Variants in NOX3 observed in about 807,000 individuals in gnomAD.
NOX3 encodes the protein NADPH oxidase 3, also known as NADPH oxidase catalytic subunit-like 3.
NOX3 carries 74 observed loss-of-function variants against 76.7 expected under a neutral mutation model. The ratio of observed to expected loss-of-function variants is 0.96; its 90% confidence interval spans 0.80 to 1.17. NOX3 has a LOEUF of 1.17. Among genes scored for constraint, NOX3 ranks in the 50% most tolerant of loss-of-function variants. The pLI, the probability that NOX3 is intolerant of heterozygous loss-of-function variation, is 0.00. For missense variants in NOX3, 695 were observed against 703.3 expected (o/e 0.99, Z 0.13); for synonymous variants, 263 against 261.1 (o/e 1.01, Z -0.07).
At chr6:155,441,913 A>T in intron 5 of NOX3, among the ~76,000 whole-genome samples, 1 of 152,296 alleles carries the variant, frequency 6.6e-6, no homozygotes, top group South Asian at 2.1e-4. Context: ...TCATAAGGGC[A>T]GCTGTAGTTC....
chr6:155,421,941 G>T (rs1776694628), intron 10 of NOX3, among the ~76,000 whole-genome samples: 1 of 152,190 alleles, frequency 6.6e-6, no homozygotes, highest in Non-Finnish European at 1.5e-5. Flanking sequence ...ATTGAGACCT[G>T]GTGGTTAAGT....
chr6:155,436,396 A>C, intron 7 of NOX3, 22 bp downstream of exon 7: 9 of 1,613,580 alleles, frequency 5.6e-6, no homozygotes, highest in Non-Finnish European at 6.8e-6. Context: ...TTATTTTTAA[A>C]AGCTCCTGGG....
rs1223862889 is a variant in NOX3, at chr6:155,404,694, C to A, written c.1580+2436G>T. Reference sequence around the variant, plus strand: ...TGGCTGAATGTGGGTCAGGAGTAATCCCCACAAGCATGCCTTCAAACCATC... The same window carrying A: ...TGGCTGAATGTGGGTCAGGAGTAATACCCACAAGCATGCCTTCAAACCATC... On this transcript the variant is annotated intron_variant, in intron 12 of 13. Coordinates refer to ENST00000159060, the MANE Select transcript of NOX3 (RefSeq NM_015718.3). 3.9e-5 allele frequency among the ~76,000 whole-genome samples: 6 copies of A among 152,140 alleles called. No homozygotes were observed. The East Asian group carries it at 9.6e-4, about 24-fold the overall frequency.
intron 4 of NOX3, among the ~76,000 whole-genome samples, chr6:155,448,661 AT>A (rs1301626591): frequency 1.5e-4 from 23 of 149,158 alleles, no homozygotes; most frequent in African/African-American, 4.5e-4. Flanking sequence ...AAAAAAAAAA[AT>A]CATAAAGGCT....
intron 6 of NOX3, among the ~76,000 whole-genome samples, chr6:155,439,649 G>T (rs1280323436): frequency 1.3e-5 from 2 of 152,148 alleles, no homozygotes; most frequent in Non-Finnish European, 2.9e-5. Context: ...AAATTGGATG[G>T]CAGAACAGGT....
At position 155,440,585 on chromosome 6, in the gene NOX3, G is replaced by A. The variant is rs112915350; in HGVS notation, c.487-448C>T. Among the ~76,000 whole-genome samples, 209 of 151,580 alleles carry A rather than the reference G, an allele frequency of 1.4e-3. 1 individual carries two copies. Among genetic ancestry groups the A allele is most frequent in the African/African-American group, 4.7e-3 (194 of 41,350 alleles). ...GATCCCAGGAGTGTGAGGCTGCAAT[G>A]AGCCGTGATGCTGCCTCTGCATTCC... On this transcript the variant is annotated intron_variant, in intron 5 of 13. Transcript: ENST00000159060.
chr6:155,435,683 C>T (rs1004642538), intron 7 of NOX3, among the ~76,000 whole-genome samples: 1 of 152,058 alleles, frequency 6.6e-6, no homozygotes, highest in Non-Finnish European at 1.5e-5. Flanking sequence ...CTGCCAGATG[C>T]ATTTATTTTC....
At chr6:155,402,985 C>T (rs1000692639) in intron 12 of NOX3, among the ~76,000 whole-genome samples, 12 of 152,204 alleles carry the variant, frequency 7.9e-5, no homozygotes, top group African/African-American at 2.7e-4. Flanking sequence ...TGGGAACAAA[C>T]ATATCCTTGA....
chr6:155,455,319 TAA>T (rs1777200386), intron 1 of NOX3, among the ~76,000 whole-genome samples, 190 bp from the exon 2 acceptor site: 1 of 152,232 alleles, frequency 6.6e-6, no homozygotes, highest in African/African-American at 2.4e-5. Context: ...TTACCTTTAT[TAA>T]AAAGATTTTA....
chr6:155,435,377 A>T (rs1776887902), intron 7 of NOX3, among the ~76,000 whole-genome samples: 1 of 152,114 alleles, frequency 6.6e-6, no homozygotes, highest in Non-Finnish European at 1.5e-5. Context: ...GGCTACTGAG[A>T]GTTGAGTTTA....
Position 155,436,540 on chromosome 6 carries a change from C to G in NOX3, c.676G>C (p.Val226Leu), listed in dbSNP as rs750652267. 1.2e-6 allele frequency: 2 copies of G among 1,611,746 alleles called. No individual in the cohort carries two copies. The change falls in exon 7 of 14, where the codon GTT becomes CTT. Residue 226 changes from valine to leucine, a missense_variant. Physicochemically the swap from Val to Leu is conservative, Grantham distance 32. Coordinates refer to ENST00000159060, the MANE Select transcript of NOX3 (RefSeq NM_015718.3). ...AGACTGTCTTGGGTTTGGCCTCGAA[C>G]AATCCGACTTGTTATTTAAGAAAAG... is the stretch of plus-strand genomic sequence containing the variant. ...SLAIHGTGRI[V>L]RGQTQDSLSL...
chr6:155,443,591 A>G (rs1055303883), intron 4 of NOX3, among the ~76,000 whole-genome samples, 173 bp from the exon 5 acceptor site: 17 of 152,318 alleles, frequency 1.1e-4, no homozygotes, highest in Admixed American at 9.8e-4. Context: ...TGGATTGAAT[A>G]CTTCCAAAGA....
intron 4 of NOX3, among the ~76,000 whole-genome samples, chr6:155,449,252 CGG>C (rs1357379516): frequency 6.6e-6 from 1 of 152,104 alleles, no homozygotes; most frequent in Non-Finnish European, 1.5e-5. Flanking sequence ...GAGCTGCACT[CGG>C]CTAATTGTTC....
intron 1 of NOX3, among the ~76,000 whole-genome samples, 173 bp downstream of exon 1, chr6:155,455,580 G>A (rs9480140): frequency 0.093 from 14,193 of 152,168 alleles, 805 homozygotes; most frequent in South Asian, 0.14. Flanking sequence ...AAACAACTTT[G>A]CATGATTCTA....
intron 10 of NOX3, among the ~76,000 whole-genome samples, chr6:155,419,773 C>T (rs917393402): frequency 6.6e-6 from 1 of 151,944 alleles, no homozygotes; most frequent in African/African-American, 2.4e-5. Context: ...TTTGTAGGCT[C>T]CTGTATGAAT....
chr6:155,433,565 T>A (rs565814377), intron 7 of NOX3, among the ~76,000 whole-genome samples: 1 of 152,228 alleles, frequency 6.6e-6, no homozygotes, highest in Non-Finnish European at 1.5e-5. Flanking sequence ...AAAATTATTA[T>A]TTAGTTCCCT....
At chr6:155,399,624 C>T (rs928651388) in intron 12 of NOX3, among the ~76,000 whole-genome samples, 1 of 152,144 alleles carries the variant, frequency 6.6e-6, no homozygotes, top group African/African-American at 2.4e-5. Flanking sequence ...CTCTTCTCGG[C>T]ATTTGTGACT....
intron 13 of NOX3, among the ~76,000 whole-genome samples, chr6:155,396,568 T>G (rs772250458): frequency 2.6e-4 from 40 of 152,198 alleles, no homozygotes; most frequent in Admixed American, 2.6e-3. Flanking sequence ...TGTTTAAAAA[T>G]TTCATGTTAT....
At chr6:155,418,977 T>C (rs1776655457) in intron 10 of NOX3, among the ~76,000 whole-genome samples, 1 of 152,256 alleles carries the variant, frequency 6.6e-6, no homozygotes. Flanking sequence ...CGAGTTGTCC[T>C]TTCCTTCCTT....
Sources: allele counts gnomAD v4.1 joint callset (sites outside exome capture counted in the v4.1 genomes callset), GRCh38; gene constraint gnomAD v4.1.1; transcripts MANE v1.5; gene names NCBI Gene and HGNC (gene_info 2026-07-23, HGNC 2026-07-21).